Variants in DSCAML1 observed in about 807,000 individuals in gnomAD.
DSCAML1 encodes DS cell adhesion molecule like 1, also known as cell adhesion molecule DSCAML1.
Under a neutral mutation model 200.5 loss-of-function variants are expected in DSCAML1, and 38 were observed. The ratio of observed to expected loss-of-function variants is 0.19; its 90% CI spans 0.15 to 0.25. The LOEUF is 0.25. DSCAML1 is among the 10% of genes least tolerant of loss of function. The pLI is 1.00. For missense variants in DSCAML1, 2,223 were observed against 2,858.8 expected, an observed-to-expected ratio of 0.78 and a Z score of 5.07; for synonymous variants, 1,215 against 1,165.0, an observed-to-expected ratio of 1.04 and a Z score of -0.87.
chr11:117,544,306 C>T lies in DSCAML1; in HGVS notation c.512-11784G>A, dbSNP rs556799276. 2.7e-4 allele frequency among the ~76,000 whole-genome samples: 41 copies of T among 152,322 alleles called. No homozygotes were observed. The South Asian group carries it at 5.8e-3, about 22-fold the overall frequency. On this transcript the variant is annotated intron_variant, in intron 3 of 32. Transcript: ENST00000651296. Reference sequence around the variant, plus strand: ...CAATACAGATTTATAAAAACAGTGTCGTCAGCCTGCAGTGTGGAGCCTGCA... The same window carrying T: ...CAATACAGATTTATAAAAACAGTGTTGTCAGCCTGCAGTGTGGAGCCTGCA...
At chr11:117,756,153 T>C (rs2054688082) in intron 3 of DSCAML1, among the ~76,000 whole-genome samples, 1 of 152,232 alleles carries the variant, frequency 6.6e-6, no homozygotes, top group South Asian at 2.1e-4. Flanking sequence ...GGCCCTTTTC[T>C]GTGGGGCACA....
At chr11:117,483,794 C>G (rs1230474483) in intron 11 of DSCAML1, among the ~76,000 whole-genome samples, 1 of 152,148 alleles carries the variant, frequency 6.6e-6, no homozygotes, top group Admixed American at 6.5e-5. Flanking sequence ...GAAAATTTGC[C>G]TTCCAGTGGC....
intron 3 of DSCAML1, among the ~76,000 whole-genome samples, chr11:117,731,042 G>A (rs972816476): frequency 2.6e-5 from 4 of 152,158 alleles, no homozygotes; most frequent in African/African-American, 4.8e-5. Flanking sequence ...TCCTTTAAGG[G>A]TGATGAGGAT....
chr11:117,540,686 T>C (rs565954836), intron 3 of DSCAML1, among the ~76,000 whole-genome samples: 55 of 141,510 alleles, frequency 3.9e-4, no homozygotes, highest in African/African-American at 1.4e-3. Flanking sequence ...CACTAGGGCC[T>C]GTCGGGGGAT....
rs1474353761 is a variant in DSCAML1, at chr11:117,756,535, A to C, written c.511+20256T>G. ...CCTGGGAAGGACATGGGACATTTCC[A>C]GGGCTTAACTAAGACTAGAGACAAT... is the stretch of plus-strand genomic sequence containing the variant. On this transcript the variant is annotated intron_variant, in intron 3 of 32. Coordinates refer to ENST00000651296, the MANE Select transcript of DSCAML1 (RefSeq NM_020693.4). Among the ~76,000 whole-genome samples, 3 of 152,192 alleles carry C rather than the reference A, an allele frequency of 2.0e-5. No individual in the cohort carries two copies. In the East Asian group the frequency reaches 5.8e-4, roughly 29 times the overall value.
chr11:117,513,609 C>T (rs931299092), intron 8 of DSCAML1, among the ~76,000 whole-genome samples: 7 of 151,962 alleles, frequency 4.6e-5, no homozygotes, highest in Admixed American at 6.6e-5. Flanking sequence ...GGCGTGGTGG[C>T]GTGCGCCTGT....
chr11:117,682,314 C>T (rs149464312), intron 3 of DSCAML1, among the ~76,000 whole-genome samples: 74 of 152,300 alleles, frequency 4.9e-4, no homozygotes, highest in Admixed American at 1.2e-3. Flanking sequence ...CTGCTGCCTT[C>T]CCTCCTTCCC....
At position 117,489,680 on chromosome 11, in the gene DSCAML1, GGC is replaced by G. The variant is rs1276754534; in HGVS notation, c.2360-7520_2360-7519del. 1.3e-5 allele frequency among the ~76,000 whole-genome samples: 2 copies of G among 152,192 alleles called. No homozygotes were observed. The highest frequency in any genetic ancestry group is 4.8e-5 in the African/African-American group (2 of 41,452). On this transcript the variant is annotated intron_variant, in intron 11 of 32. Transcript: ENST00000651296. The surrounding 1 kb of genome is among the most constrained non-coding windows in gnomAD (Gnocchi z 4.8). ...GTCCCCAGCACCTGCTACAGTGCCT[GGC>G]ACTGTGATGACCAAATTGGGGCATA...
chr11:117,650,158 G>T (rs961909435), intron 3 of DSCAML1, among the ~76,000 whole-genome samples: 2 of 152,148 alleles, frequency 1.3e-5, no homozygotes, highest in Non-Finnish European at 1.5e-5. Context: ...GGGTTCCCAG[G>T]CCCCGCCCTG....
At chr11:117,629,722 C>T (rs1332526407) in intron 3 of DSCAML1, among the ~76,000 whole-genome samples, 1 of 152,088 alleles carries the variant, frequency 6.6e-6, no homozygotes, top group Non-Finnish European at 1.5e-5. Flanking sequence ...AGGGAGAAGC[C>T]ATGGTGGCTC....
intron 1 of DSCAML1, among the ~76,000 whole-genome samples, chr11:117,781,199 G>A (rs2055254254): frequency 6.6e-6 from 1 of 151,370 alleles, no homozygotes; most frequent in Non-Finnish European, 1.5e-5. Context: ...GATGAGGCAG[G>A]AGAATCGCTT....
At position 117,701,433 on chromosome 11, in the gene DSCAML1, G is replaced by A. The variant is rs561550466; in HGVS notation, c.511+75358C>T. Among the ~76,000 whole-genome samples, 10 of 152,216 alleles carry A rather than the reference G, an allele frequency of 6.6e-5. No individual in the cohort carries two copies. The South Asian group carries it at 2.1e-3, about 32-fold the overall frequency. On this transcript the variant is annotated intron_variant, in intron 3 of 32. Transcript: ENST00000651296. Reference sequence around the variant, plus strand: ...AACAGCCTTTGAGAACCCGCTTATGGTCAATTAAAAATCCCAATTAACACT... The same window carrying A: ...AACAGCCTTTGAGAACCCGCTTATGATCAATTAAAAATCCCAATTAACACT...
In DSCAML1 at chr11:117,610,568, T is replaced by G. The variant is rs188679992; in HGVS notation, c.512-78046A>C. ...ACAGACGGTGGGGAGGAAGAGGTAA[T>G]GGAGGTATGGGATCTTCAGCATGGA... On this transcript the variant is annotated intron_variant, in intron 3 of 32. Coordinates refer to ENST00000651296, the MANE Select transcript of DSCAML1 (RefSeq NM_020693.4). Among the ~76,000 whole-genome samples, 186 of 152,078 alleles carry G rather than the reference T, an allele frequency of 1.2e-3. 1 individual carries two copies. Among genetic ancestry groups the G allele is most frequent in the African/African-American group, 4.2e-3 (175 of 41,476 alleles).
intron 4 of DSCAML1, among the ~76,000 whole-genome samples, chr11:117,528,632 C>T (rs991117423): frequency 6.6e-6 from 1 of 152,164 alleles, no homozygotes; most frequent in Non-Finnish European, 1.5e-5. Flanking sequence ...TAGGGCACCA[C>T]CAGGAGCATG....
At chr11:117,761,275 C>T (rs2054796498) in intron 3 of DSCAML1, among the ~76,000 whole-genome samples, 1 of 152,162 alleles carries the variant, frequency 6.6e-6, no homozygotes, top group South Asian at 2.1e-4. Flanking sequence ...CACACATGGA[C>T]ACCTGGCCGC....
chr11:117,815,994 C>T (rs1438320328), intron 1 of DSCAML1, among the ~76,000 whole-genome samples: 1 of 152,044 alleles, frequency 6.6e-6, no homozygotes, highest in African/African-American at 2.4e-5. Context: ...CATGAGGTCC[C>T]TCCACACCTG....
chr11:117,797,695 C>G (rs147241207), upstream of DSCAML1, among the ~76,000 whole-genome samples: 2 of 151,154 alleles, frequency 1.3e-5, no homozygotes, highest in Admixed American at 6.6e-5. Context: ...AGCTGCCCTT[C>G]CAACCCCTCG....
chr11:117,472,153 C>A, intron 14 of DSCAML1, 117 bp from the exon 15 acceptor site: 2 of 1,141,632 alleles, frequency 1.8e-6, no homozygotes, highest in Non-Finnish European at 2.5e-6. Context: ...CCAGCTCACA[C>A]AGACTGCAGA....
Position 117,505,165 on chromosome 11 carries a change from A to G in DSCAML1, c.2063-122T>C. ...GGCCATTATAAAGTTGGAAGCGGGC[A>G]GTTTCTGAAACCCAAGATGCTGAGA... On this transcript the variant is annotated intron_variant, in intron 9 of 32. Transcript: ENST00000651296. This position sits in a 1 kb window ranked among gnomAD's most constrained non-coding sequence, Gnocchi z 6.7. 1.4e-6 allele frequency: 2 copies of G among 1,426,794 alleles called. No individual in the cohort carries two copies. 88.4% of individuals were successfully genotyped at this position (1,426,794 alleles called of 1,614,324 possible).
Sources: allele counts gnomAD v4.1 joint callset (sites outside exome capture counted in the v4.1 genomes callset), GRCh38; gene constraint gnomAD v4.1.1; non-coding constraint Gnocchi (gnomAD v3.1); transcripts MANE v1.5; gene names NCBI Gene and HGNC (gene_info 2026-07-23, HGNC 2026-07-21).